The following PPP1R1C variants were observed in gnomAD, a reference collection of about 807,000 sequenced individuals.
The protein encoded by PPP1R1C is protein phosphatase 1 regulatory subunit 1C.
PPP1R1C carries 15 observed loss-of-function variants against 17.4 expected under a neutral mutation model. The observed-to-expected ratio is 0.86, with a 90% CI of 0.58 to 1.33. The LOEUF is 1.33. Ranked by LOEUF, PPP1R1C falls within the 40% of genes most tolerant of loss-of-function variation. The probability of loss-of-function intolerance (pLI) is 0.00; values close to 1 mark genes in which losing one functional copy is unlikely to be tolerated. For missense variants in PPP1R1C, 143 were observed against 130.0 expected (o/e 1.10, Z -0.48); for synonymous variants, 35 against 43.1 (o/e 0.81, Z 0.73).
chr2:182,106,973 T>C (rs55920192), intron 4 of PPP1R1C, among the ~76,000 whole-genome samples: 53,791 of 151,884 alleles, frequency 0.35, 10,091 homozygotes, highest in Non-Finnish European at 0.41. Context: ...CATTTCACAG[T>C]CATTTTGGAC....
chr2:182,081,758 G>A (rs17648206), intron 4 of PPP1R1C, among the ~76,000 whole-genome samples: 46,555 of 152,016 alleles, frequency 0.31, 8,449 homozygotes, highest in Non-Finnish European at 0.39. Context: ...TAATGTGTGC[G>A]GTTGAAAAGC....
chr2:182,070,598 A>G (rs927439041), intron 4 of PPP1R1C, among the ~76,000 whole-genome samples: 1 of 152,236 alleles, frequency 6.6e-6, no homozygotes, highest in Non-Finnish European at 1.5e-5. Context: ...GAGAGTTTTC[A>G]TATACCCCAT....
At chr2:182,002,768 T>C (rs1685803015) in intron 2 of PPP1R1C, among the ~76,000 whole-genome samples, 1 of 152,122 alleles carries the variant, frequency 6.6e-6, no homozygotes, top group African/African-American at 2.4e-5. Flanking sequence ...AAAATTTAAA[T>C]ATTCTAATAC....
chr2:182,115,766 C>G (rs1450844103), intron 4 of PPP1R1C, among the ~76,000 whole-genome samples: 1 of 151,910 alleles, frequency 6.6e-6, no homozygotes, highest in Non-Finnish European at 1.5e-5. Flanking sequence ...CCATGAAGTC[C>G]AAGGACGTCA....
chr2:182,102,070 A>G (rs534123470), intron 4 of PPP1R1C, among the ~76,000 whole-genome samples: 196 of 152,352 alleles, frequency 1.3e-3, no homozygotes, highest in African/African-American at 4.6e-3. Context: ...ACAAATTAGC[A>G]CAACAGAAAT....
intron 4 of PPP1R1C, among the ~76,000 whole-genome samples, chr2:182,104,819 A>G (rs570053290): frequency 7.9e-5 from 12 of 152,330 alleles, no homozygotes; most frequent in Middle Eastern, 3.4e-3. Flanking sequence ...ATTTTGGAAG[A>G]TTTTGTTAAA....
chr2:182,063,026 C>T (rs1468842622), intron 3 of PPP1R1C, among the ~76,000 whole-genome samples: 2 of 151,990 alleles, frequency 1.3e-5, no homozygotes, highest in African/African-American at 4.8e-5. Flanking sequence ...ATATGTATAT[C>T]CATTATATAG....
chr2:181,972,317 A>G (rs1023711568), intron 1 of PPP1R1C, among the ~76,000 whole-genome samples: 9 of 152,242 alleles, frequency 5.9e-5, no homozygotes, highest in Non-Finnish European at 1.2e-4. Context: ...AATAAATCCA[A>G]GACAAAATGT....
intron 4 of PPP1R1C, among the ~76,000 whole-genome samples, chr2:182,065,224 T>G (rs1687952977): frequency 1.3e-5 from 2 of 152,106 alleles, no homozygotes; most frequent in Non-Finnish European, 2.9e-5. Context: ...CAGTAATTGT[T>G]TCAAGAGGAT....
chr2:182,117,804 A>T (rs1234677718), downstream of PPP1R1C: 1 of 152,148 alleles, frequency 6.6e-6, no homozygotes, highest in Non-Finnish European at 1.5e-5. Context: ...CACAATGTTC[A>T]TTTTTAAATG....
chr2:181,968,521 A>G (rs1684946889), intron 1 of PPP1R1C, among the ~76,000 whole-genome samples: 1 of 151,844 alleles, frequency 6.6e-6, no homozygotes, highest in Non-Finnish European at 1.5e-5. Context: ...CTCCTGTTCT[A>G]TTTTGGTTTC....
intron 2 of PPP1R1C, among the ~76,000 whole-genome samples, chr2:182,025,302 C>A (rs1218947375): frequency 1.4e-5 from 2 of 144,378 alleles, no homozygotes; most frequent in Non-Finnish European, 3.0e-5. Context: ...TGGTGCGCTG[C>A]ACCCACTAAC....
chr2:182,036,657 A>G (rs1687014215), intron 2 of PPP1R1C, among the ~76,000 whole-genome samples: 1 of 152,144 alleles, frequency 6.6e-6, no homozygotes, highest in African/African-American at 2.4e-5. Context: ...TTATTATTAT[A>G]ACTTAACCTG....
rs747582072 is a variant in PPP1R1C, at chr2:181,987,823, C to T, written c.82-16C>T. 9 of 1,612,900 alleles carry T rather than the reference C, an allele frequency of 5.6e-6. No homozygotes were observed. The African/African-American group carries it at 9.3e-5, about 17-fold the overall frequency. Reference sequence around the variant, plus strand: ...CTAATACTCACTGATATTAGCTGGGCTTTTGTCGTTCACAGATCAGGAAAA... The same window carrying T: ...CTAATACTCACTGATATTAGCTGGGTTTTTGTCGTTCACAGATCAGGAAAA... On this transcript the variant is annotated splice_polypyrimidine_tract_variant and intron_variant, in intron 1 of 4. Transcript: ENST00000682840.
chr2:182,110,708 A>G (rs1032100320), intron 4 of PPP1R1C, among the ~76,000 whole-genome samples: 1 of 152,160 alleles, frequency 6.6e-6, no homozygotes, highest in Non-Finnish European at 1.5e-5. Flanking sequence ...AATGCTTTCA[A>G]GGCTAACCAC....
At chr2:182,063,176 A>C (rs1462426136) in intron 3 of PPP1R1C, among the ~76,000 whole-genome samples, 1 of 152,032 alleles carries the variant, frequency 6.6e-6, no homozygotes, top group Non-Finnish European at 1.5e-5. Context: ...TTATTAGGAA[A>C]GGACTTATCT....
intron 1 of PPP1R1C, among the ~76,000 whole-genome samples, chr2:181,958,183 G>A (rs567595301): frequency 2.0e-5 from 3 of 152,326 alleles, no homozygotes; most frequent in East Asian, 3.9e-4. Flanking sequence ...GGAAGTGGAA[G>A]TAGCTAAGCA....
chr2:182,063,871 T>C, intron 4 of PPP1R1C, 80 bp downstream of exon 4: 2 of 1,007,616 alleles, frequency 2.0e-6, no homozygotes, highest in Non-Finnish European at 3.2e-6. Context: ...GGACCACATA[T>C]CTGATGATAA....
chr2:182,019,419 G>T (rs1434392605), intron 2 of PPP1R1C, among the ~76,000 whole-genome samples: 1 of 152,072 alleles, frequency 6.6e-6, no homozygotes, highest in Non-Finnish European at 1.5e-5. Flanking sequence ...ACAACTTCAC[G>T]CCATTTCAAC....
Sources: gnomAD v4.1 joint callset for allele counts (sites outside exome capture counted in the v4.1 genomes callset) on GRCh38, gnomAD v4.1.1 for gene constraint, MANE v1.5 for transcripts, NCBI Gene and HGNC (gene_info 2026-07-23, HGNC 2026-07-21) for gene names.